UGP2: variants seen among roughly 807,000 people sequenced by gnomAD.
UGP2 encodes the protein UDP-glucose pyrophosphorylase 2, also known as UTP--glucose-1-phosphate uridylyltransferase.
Under a neutral mutation model 49.0 loss-of-function variants are expected in UGP2, and 40 were observed. That is an observed-to-expected ratio of 0.82 (90% CI 0.63 to 1.06). The LOEUF (loss-of-function observed/expected upper bound fraction) is 1.06, where lower values mean the gene tolerates loss of function less well. Ranked by LOEUF, UGP2 falls within the 50% of genes least tolerant of loss-of-function variation. The probability of loss-of-function intolerance (pLI) is 0.00; values close to 1 mark genes in which losing one functional copy is unlikely to be tolerated. For missense variants in UGP2, 460 were observed against 603.5 expected (o/e 0.76, Z 2.49); for synonymous variants, 225 against 213.0 (o/e 1.06, Z -0.49).
intron 3 of UGP2, among the ~76,000 whole-genome samples, chr2:63,874,818 C>G (rs1349495332): frequency 6.7e-6 from 1 of 149,682 alleles, no homozygotes. Flanking sequence ...TTTTTTCTTG[C>G]TTCCCACCAT....
chr2:63,856,569 T>A, intron 2 of UGP2, 136 bp downstream of exon 2: 5 of 952,392 alleles, frequency 5.2e-6, no homozygotes, highest in East Asian at 2.5e-5. Flanking sequence ...AACAAAAAAA[T>A]TAGAATTGCT....
chr2:63,847,859 T>C (rs1044430838), intron 1 of UGP2, among the ~76,000 whole-genome samples: 6 of 152,232 alleles, frequency 3.9e-5, no homozygotes, highest in African/African-American at 1.4e-4. Context: ...TCTGGGCGTA[T>C]ACGTGCAAGT....
chr2:63,867,256 C>G lies in UGP2; in HGVS notation c.255+9320C>G, dbSNP rs569475710. 1.3e-5 allele frequency among the ~76,000 whole-genome samples: 2 copies of G among 152,146 alleles called. 1 individual carries two copies. Among genetic ancestry groups the G allele is most frequent in the East Asian group, 3.9e-4 (2 of 5,182 alleles). On this transcript the variant is annotated intron_variant, in intron 3 of 9. Transcript: ENST00000337130. ...CATTCTGCCTTCAGTGTATTTAACACTTTTTTTTCCAATTTGTTAGTAATG... is the reference window on the plus strand; with the variant it reads ...CATTCTGCCTTCAGTGTATTTAACAGTTTTTTTTCCAATTTGTTAGTAATG...
rs1671631781 is a variant in UGP2, at chr2:63,885,814, A to G, written c.801A>G (p.Leu267=). The part of the protein sequence containing the change: ...ATVDLYILNH[L]MNPPNGKRCE... The stretch of plus-strand genomic sequence containing the variant: ...TGGATCTGTATATTCTTAATCATCT[A>G]ATGAACCCACCCAATGGAAAACGCT... The change falls in exon 6 of 10, where the codon CTA becomes CTG. Residue 267 remains leucine (L), a synonymous_variant. Transcript: ENST00000337130. 1 of 1,610,522 alleles carries G rather than the reference A, an allele frequency of 6.2e-7. No individual in the cohort carries two copies. The highest frequency in any genetic ancestry group is 1.3e-5 in the African/African-American group (1 of 74,740).
chr2:63,890,471 G>A (rs983843352), intron 9 of UGP2, among the ~76,000 whole-genome samples: 4 of 152,108 alleles, frequency 2.6e-5, no homozygotes, highest in Admixed American at 1.3e-4. Flanking sequence ...CATTATTGTA[G>A]TACTCAGGTA....
At chr2:63,872,188 T>G (rs1398415308) in intron 3 of UGP2, among the ~76,000 whole-genome samples, 2 of 152,242 alleles carry the variant, frequency 1.3e-5, no homozygotes, top group African/African-American at 4.8e-5. Flanking sequence ...ATCATTCAGC[T>G]AGTTCGTGAC....
chr2:63,869,814 C>T (rs1191518827), intron 3 of UGP2, among the ~76,000 whole-genome samples: 1 of 152,018 alleles, frequency 6.6e-6, no homozygotes, highest in African/African-American at 2.4e-5. Context: ...AAAAATGTTA[C>T]AAATTTTTGC....
At chr2:63,868,732 A>G (rs1291743215) in intron 3 of UGP2, among the ~76,000 whole-genome samples, 1 of 152,108 alleles carries the variant, frequency 6.6e-6, no homozygotes, top group Non-Finnish European at 1.5e-5. Flanking sequence ...TAATCCCAGC[A>G]CTTTGGGAAG....
chr2:63,849,626 A>G lies in UGP2; in HGVS notation c.20-6680A>G, dbSNP rs547533369. Among the ~76,000 whole-genome samples the G allele has an allele frequency of 3.9e-5, 6 of 152,358 alleles. 1 individual carries two copies. Among genetic ancestry groups the G allele is most frequent in the East Asian group, 1.9e-4 (1 of 5,194 alleles). ...ATTCTAATTGTAGTTTTAACCTCAC[A>G]TAGCAGACATAGTTGAGCTGCCGGT... is the stretch of plus-strand genomic sequence containing the variant. On this transcript the variant is annotated intron_variant, in intron 1 of 9. Coordinates refer to ENST00000337130, the MANE Select transcript of UGP2 (RefSeq NM_006759.4).
Position 63,889,895 on chromosome 2 carries a change from C to A in UGP2, c.1315-186C>A, listed in dbSNP as rs528973584. 27 of 508,840 alleles carry A rather than the reference C, an allele frequency of 5.3e-5. 1 individual carries two copies. In the South Asian group the frequency reaches 8.3e-4, roughly 16 times the overall value. 31.5% of individuals were successfully genotyped at this position (508,840 alleles called of 1,614,324 possible). A position where few individuals can be genotyped will look rare whatever the true frequency, so the allele number is the denominator to read the frequency against. On this transcript the variant is annotated intron_variant, in intron 8 of 9. Coordinates refer to ENST00000337130, the MANE Select transcript of UGP2 (RefSeq NM_006759.4). The stretch of plus-strand genomic sequence containing the variant: ...CTTGGTGTAAAAACAATGTTTGTAG[C>A]TCCTGGTCTTTCCTGCACGGCATTT...
chr2:63,855,523 T>TTTTTTTTTTTTTTCTC, intron 1 of UGP2: 1 of 86,878 alleles, frequency 1.2e-5, no homozygotes. Context: ...TTTTTCTGTT[T>TTTTTTTTTTTTTTCTC]TTTTTTTTTT....
chr2:63,890,987 A>G, intron 9 of UGP2, 133 bp from the exon 10 acceptor site: 2 of 579,066 alleles, frequency 3.5e-6, no homozygotes, highest in South Asian at 2.6e-5. Flanking sequence ...TTTGTTTTTC[A>G]TGTTTAATAT....
chr2:63,878,408 A>G (rs1671069617), intron 3 of UGP2, among the ~76,000 whole-genome samples: 1 of 152,172 alleles, frequency 6.6e-6, no homozygotes, highest in Non-Finnish European at 1.5e-5. Context: ...TCAATCAGGT[A>G]TGTTTTTAGC....
At chr2:63,855,900 C>A (rs1294769397) in intron 1 of UGP2, 5 of 227,710 alleles carry the variant, frequency 2.2e-5, no homozygotes, top group South Asian at 1.9e-4. Context: ...TTTCCGTCAC[C>A]TTTAGTGAGA....
Position 63,842,008 on chromosome 2 carries a change from T to G in UGP2, c.-178T>G. 1.5e-6 allele frequency: 1 copy of G among 687,780 alleles called. No homozygotes were observed. The highest frequency in any genetic ancestry group is 3.7e-5 in the Admixed American group (1 of 26,728). 42.6% of individuals were successfully genotyped at this position (687,780 alleles called of 1,614,324 possible). On this transcript the variant is annotated 5_prime_UTR_variant, in exon 1 of 10. Transcript: ENST00000337130. ...TGGGGAAGGAGTTTCTTTCTTTCTT[T>G]TCTTTTTTCTTGAGCCAGTTTTAAT... is the stretch of plus-strand genomic sequence containing the variant.
chr2:63,885,025 T>G (rs1671576874), intron 5 of UGP2, among the ~76,000 whole-genome samples: 1 of 125,626 alleles, frequency 8.0e-6, no homozygotes, highest in African/African-American at 2.9e-5. Flanking sequence ...TTTTTTTTAC[T>G]TTGCAGATGT....
chr2:63,882,099 A>C (rs1396440305), intron 3 of UGP2, among the ~76,000 whole-genome samples: 3 of 152,226 alleles, frequency 2.0e-5, no homozygotes, highest in African/African-American at 7.2e-5. Flanking sequence ...AGACTTGATG[A>C]TTCTAAATAA....
intron 1 of UGP2, among the ~76,000 whole-genome samples, chr2:63,845,652 T>A (rs942067751): frequency 3.9e-5 from 6 of 152,010 alleles, no homozygotes; most frequent in Non-Finnish European, 5.9e-5. Flanking sequence ...GTGAACAAAA[T>A]TTTTTTTGAG....
chr2:63,846,446 A>T (rs1671938739), intron 1 of UGP2, among the ~76,000 whole-genome samples: 1 of 4,970 alleles, frequency 2.0e-4, no homozygotes. Context: ...TTGTTTTTTT[A>T]AAAAAAATGA....
Sources: gnomAD v4.1 joint callset for allele counts (sites outside exome capture counted in the v4.1 genomes callset) on GRCh38, gnomAD v4.1.1 for gene constraint, MANE v1.5 for transcripts, NCBI Gene and HGNC (gene_info 2026-07-23, HGNC 2026-07-21) for gene names.